The following OPRM1 variants were observed in gnomAD, a reference collection of about 807,000 sequenced individuals.
OPRM1 encodes mu-type opioid receptor.
In OPRM1, 27 loss-of-function variants were observed where a neutral mutation model predicts 31.8. That is an observed-to-expected ratio of 0.85 (90% CI 0.63 to 1.17). The LOEUF (loss-of-function observed/expected upper bound fraction) is 1.17, where lower values mean the gene tolerates loss of function less well. OPRM1 is among the 50% of genes most tolerant of loss of function. The pLI, the probability that OPRM1 is intolerant of heterozygous loss-of-function variation, is 0.00. For missense variants in OPRM1, 536 were observed against 511.1 expected (o/e 1.05, Z -0.47); for synonymous variants, 196 against 189.9 (o/e 1.03, Z -0.26).
At chr6:154,100,487 A>G (rs1354192901) in intron 3 of OPRM1, among the ~76,000 whole-genome samples, 1 of 151,844 alleles carries the variant, frequency 6.6e-6, no homozygotes, top group Non-Finnish European at 1.5e-5. Context: ...ATCTGAACAT[A>G]TTAGAAACAC....
chr6:154,105,659 T>C (rs1474491893), intron 3 of OPRM1, among the ~76,000 whole-genome samples: 2 of 152,172 alleles, frequency 1.3e-5, no homozygotes, highest in African/African-American at 4.8e-5. Flanking sequence ...GCACACAGAA[T>C]TTTACACAAC....
chr6:154,245,543 G>A (rs922501566), intron 3 of OPRM1, among the ~76,000 whole-genome samples: 1 of 152,186 alleles, frequency 6.6e-6, no homozygotes, highest in Non-Finnish European at 1.5e-5. Context: ...CAAACAATAT[G>A]CAGTACTTAT....
chr6:154,084,624 G>T (rs938356199), intron 1 of OPRM1, among the ~76,000 whole-genome samples: 10 of 152,140 alleles, frequency 6.6e-5, no homozygotes, highest in Non-Finnish European at 4.4e-5. Context: ...ACACTCTAGG[G>T]AGGATTTTTT....
intron 1 of OPRM1, among the ~76,000 whole-genome samples, chr6:154,084,401 TC>T (rs199643966): frequency 2.4e-4 from 35 of 147,186 alleles, no homozygotes; most frequent in South Asian, 6.5e-4. Context: ...TTTTAGAACC[TC>T]CCCCCCCAAC....
chr6:154,096,582 A>G lies in OPRM1; in HGVS notation c.1164+5110A>G, dbSNP rs559125159. ...CACTATAATAATAATGCTGCCTTAC[A>G]TTTATATGGCAATGTACAGATTCAA... On this transcript the variant is annotated intron_variant, in intron 3 of 3. Transcript: ENST00000330432. 1.5e-4 allele frequency among the ~76,000 whole-genome samples: 23 copies of G among 152,270 alleles called. No individual in the cohort carries two copies. In the East Asian group the frequency reaches 4.1e-3, roughly 27 times the overall value.
intron 3 of OPRM1, among the ~76,000 whole-genome samples, chr6:154,204,810 T>C (rs976518253): frequency 2.0e-5 from 3 of 152,118 alleles, no homozygotes; most frequent in Admixed American, 2.0e-4. Context: ...CAGAAAACCC[T>C]CTTATAACTG....
At chr6:154,152,403 T>A (rs1798563175) in intron 3 of OPRM1, among the ~76,000 whole-genome samples, 4 of 106,940 alleles carry the variant, frequency 3.7e-5, no homozygotes, top group Admixed American at 8.6e-5. Flanking sequence ...AGAAATAGTG[T>A]TCAGGTTGTG....
chr6:154,186,607 A>G (rs1344282347), intron 3 of OPRM1, among the ~76,000 whole-genome samples: 1 of 151,064 alleles, frequency 6.6e-6, no homozygotes, highest in East Asian at 2.0e-4. Context: ...CCCAGGCTGG[A>G]GTGCAGTGGT....
intron 3 of OPRM1, among the ~76,000 whole-genome samples, chr6:154,182,355 G>A (rs1176641248): frequency 1.3e-5 from 2 of 152,148 alleles, no homozygotes; most frequent in East Asian, 3.8e-4. Context: ...TCTATTGGGT[G>A]ATCTTTAATG....
exon 1 of OPRM1, chr6:154,010,970 T>C: frequency 7.7e-7 from 1 of 1,294,438 alleles, no homozygotes; most frequent in Non-Finnish European, 1.0e-6. Context: ...TCTCACACTG[T>C]GGCAGGAGAA....
chr6:154,167,927 G>A, intron 3 of OPRM1: 6 of 1,590,438 alleles, frequency 3.8e-6, no homozygotes, highest in Non-Finnish European at 5.2e-6. Flanking sequence ...TACCTTTAAT[G>A]TGCTATTCAA....
intron 1 of OPRM1, among the ~76,000 whole-genome samples, chr6:154,045,442 ACAGAACAACTGTC>A (rs1676178783): frequency 2.0e-5 from 3 of 152,184 alleles, no homozygotes; most frequent in African/African-American, 4.8e-5. Context: ...AAAACAGATC[ACAGAACAACTGTC>A]CAGATGTAAC....
At chr6:154,064,504 G>A (rs1010095579) in intron 1 of OPRM1, among the ~76,000 whole-genome samples, 23 of 152,082 alleles carry the variant, frequency 1.5e-4, no homozygotes, top group African/African-American at 4.6e-4. Context: ...GACATGCAAT[G>A]TGTCCATGTT....
chr6:154,133,304 G>A (rs1451828186), downstream of OPRM1, among the ~76,000 whole-genome samples: 2 of 152,028 alleles, frequency 1.3e-5, no homozygotes, highest in Admixed American at 1.3e-4. Context: ...TTTTTATCTT[G>A]TCCTTCTTCT....
chr6:154,088,384 G>A (rs1315619323), intron 1 of OPRM1, among the ~76,000 whole-genome samples: 3 of 152,186 alleles, frequency 2.0e-5, no homozygotes, highest in Non-Finnish European at 4.4e-5. Flanking sequence ...AGACACTTTT[G>A]GGAGCAATTG....
At position 154,091,313 on chromosome 6, in the gene OPRM1, A is replaced by C; in HGVS notation, c.1005A>C (p.Pro335=). 6.2e-7 allele frequency: 1 copy of C among 1,614,204 alleles called. No homozygotes were observed. Among genetic ancestry groups the C allele is most frequent in the Non-Finnish European group, 8.5e-7 (1 of 1,180,038 alleles). ...ALGYTNSCLN[P]VLYAFLDENF... The stretch of plus-strand genomic sequence containing the variant: ...GTTACACAAACAGCTGCCTCAACCC[A>C]GTCCTTTATGCATTTCTGGATGAAA... Residue 335 remains proline (P), a synonymous_variant, in exon 3 of 4, where the codon CCA becomes CCC. Transcript: ENST00000330432.
At chr6:154,236,931 C>T (rs558838329) in intron 3 of OPRM1, among the ~76,000 whole-genome samples, 8 of 152,256 alleles carry the variant, frequency 5.3e-5, no homozygotes, top group South Asian at 2.1e-4. Context: ...TTAAAGACAT[C>T]GTTTCAAACA....
chr6:154,070,702 T>C (rs192936239), intron 1 of OPRM1, among the ~76,000 whole-genome samples: 1 of 152,390 alleles, frequency 6.6e-6, no homozygotes, highest in African/African-American at 2.4e-5. Context: ...CTCAGATTTA[T>C]ATATCCTAAT....
chr6:154,055,772 C>T (rs1783147572), intron 1 of OPRM1, among the ~76,000 whole-genome samples: 1 of 152,124 alleles, frequency 6.6e-6, no homozygotes, highest in South Asian at 2.1e-4. Context: ...ACTGTTAAGT[C>T]TTTTTATATT....
Sources: gnomAD v4.1 joint callset for allele counts (sites outside exome capture counted in the v4.1 genomes callset) on GRCh38, gnomAD v4.1.1 for gene constraint, MANE v1.5 for transcripts, NCBI Gene and HGNC (gene_info 2026-07-23, HGNC 2026-07-21) for gene names.